Variants in CACNA1D observed in about 807,000 individuals in gnomAD.
CACNA1D encodes voltage-dependent L-type calcium channel subunit alpha-1D.
In CACNA1D, 55 loss-of-function variants were observed where a neutral mutation model predicts 257.1. The ratio of observed to expected loss-of-function variants is 0.21; its 90% CI spans 0.17 to 0.27. The LOEUF (loss-of-function observed/expected upper bound fraction) is 0.27, where lower values mean the gene tolerates loss of function less well. CACNA1D is among the 10% of genes least tolerant of loss of function. CACNA1D has a pLI of 1.00. For synonymous variants in CACNA1D, 980 were observed against 1,014.9 expected, an observed-to-expected ratio of 0.97 and a Z score of 0.65; for missense variants, 1,876 against 2,784.0, an observed-to-expected ratio of 0.67 and a Z score of 7.34.
chr3:53,719,270 C>T (rs1270814158), intron 10 of CACNA1D, among the ~76,000 whole-genome samples: 2 of 152,196 alleles, frequency 1.3e-5, no homozygotes, highest in Non-Finnish European at 2.9e-5. Flanking sequence ...CTTGCTCTGC[C>T]CTCTCTGAGA....
chr3:53,631,633 T>C (rs1212752783), intron 3 of CACNA1D, among the ~76,000 whole-genome samples: 1 of 152,252 alleles, frequency 6.6e-6, no homozygotes, highest in Non-Finnish European at 1.5e-5. Flanking sequence ...GGTTTTCAAT[T>C]TACTTTGCCC....
At chr3:53,784,269 T>G (rs538537609) in intron 39 of CACNA1D, among the ~76,000 whole-genome samples, 2 of 152,284 alleles carry the variant, frequency 1.3e-5, no homozygotes, top group Non-Finnish European at 2.9e-5. Context: ...AGAAGCTCTC[T>G]CTCCTCCCCA....
intron 3 of CACNA1D, among the ~76,000 whole-genome samples, chr3:53,563,626 G>A (rs947561089): frequency 1.3e-5 from 2 of 148,814 alleles, no homozygotes; most frequent in Non-Finnish European, 1.5e-5. Context: ...CTTTAATTTT[G>A]CATATTTTTG....
intron 1 of CACNA1D, among the ~76,000 whole-genome samples, chr3:53,496,247 G>A (rs1280271670): frequency 6.6e-5 from 10 of 152,248 alleles, no homozygotes; most frequent in Non-Finnish European, 1.0e-4. Flanking sequence ...ATCTGCCTGG[G>A]AGATGGCCTG....
In CACNA1D at chr3:53,523,663, T is replaced by C. The variant is rs549615213; in HGVS notation, c.483+21943T>C. Among the ~76,000 whole-genome samples, 158 of 152,376 alleles carry C rather than the reference T, an allele frequency of 1.0e-3. 2 individuals carry two copies. Among genetic ancestry groups the C allele is most frequent in the African/African-American group, 3.7e-3 (154 of 41,592 alleles). ...TGCCCAGGCTTAGATTTTAATTTAT[T>C]TAACCCACGTTAGGCACTCAGTCCT... On this transcript the variant is annotated intron_variant, in intron 3 of 47. Transcript: ENST00000350061.
In CACNA1D at chr3:53,495,302, C is replaced by G. The variant is rs559287004; in HGVS notation, c.67+69C>G. The G allele has an allele frequency of 3.1e-6, 5 of 1,593,678 alleles. No individual in the cohort carries two copies. The East Asian group carries it at 1.1e-4, about 36-fold the overall frequency. On this transcript the variant is annotated intron_variant, in intron 1 of 47. Transcript: ENST00000350061. This position sits in a 1 kb window ranked among gnomAD's most constrained non-coding sequence, Gnocchi z 5.1. ...GTCATGGTCCTCCAGCCCCCTCCCC[C>G]TTCCCCGCGGCGCTGGATGGGTTGA...
intron 8 of CACNA1D, among the ~76,000 whole-genome samples, chr3:53,675,788 C>G (rs1446556306): frequency 6.6e-6 from 1 of 152,164 alleles, no homozygotes; most frequent in Non-Finnish European, 1.5e-5. Context: ...CAAAACAAAA[C>G]TTAGATCCCT....
At chr3:53,555,471 T>G (rs974954903) in intron 3 of CACNA1D, among the ~76,000 whole-genome samples, 13 of 148,474 alleles carry the variant, frequency 8.8e-5, no homozygotes, top group African/African-American at 3.0e-4. Context: ...TTTTTTTTTT[T>G]TTTTTTTTTT....
At position 53,551,042 on chromosome 3, in the gene CACNA1D, T is replaced by C. The variant is rs553906024; in HGVS notation, c.483+49322T>C. Among the ~76,000 whole-genome samples the C allele has an allele frequency of 2.0e-4, 31 of 152,304 alleles. 1 individual carries two copies. Among genetic ancestry groups the C allele is most frequent in the African/African-American group, 6.5e-4 (27 of 41,560 alleles). On this transcript the variant is annotated intron_variant, in intron 3 of 47. Transcript: ENST00000350061. ...CTTTAAAGCTCCATTTTTGGGGTAT[T>C]TCTATGCCAAAAAACATCTTAAACT...
intron 11 of CACNA1D, among the ~76,000 whole-genome samples, chr3:53,720,278 A>T (rs1341132924): frequency 2.6e-5 from 4 of 152,262 alleles, no homozygotes; most frequent in Non-Finnish European, 4.4e-5. Context: ...AAATAGGCAA[A>T]GACCTAAATA....
intron 32 of CACNA1D, among the ~76,000 whole-genome samples, chr3:53,772,476 G>C (rs189510390): frequency 1.3e-5 from 2 of 152,226 alleles, no homozygotes; most frequent in East Asian, 3.9e-4. Context: ...CAGTGTTCTG[G>C]AATGGTTTGA....
chr3:53,756,033 C>G (rs2095262838), intron 29 of CACNA1D, among the ~76,000 whole-genome samples: 1 of 152,128 alleles, frequency 6.6e-6, no homozygotes, highest in Non-Finnish European at 1.5e-5. Flanking sequence ...GTAAAAGGGT[C>G]CCTCATGGCA....
At chr3:53,525,570 A>G (rs970632671) in intron 3 of CACNA1D, among the ~76,000 whole-genome samples, 2 of 152,172 alleles carry the variant, frequency 1.3e-5, no homozygotes, top group Non-Finnish European at 2.9e-5. Context: ...TTCAGTGATC[A>G]TATGGGGCCT....
intron 3 of CACNA1D, among the ~76,000 whole-genome samples, chr3:53,514,557 G>T (rs1441841485): frequency 2.6e-5 from 4 of 152,228 alleles, no homozygotes; most frequent in African/African-American, 9.6e-5. Flanking sequence ...CTCTTTCTCT[G>T]TGGAAGAGGA....
Position 53,779,595 on chromosome 3 carries a change from T to C in CACNA1D, c.4588-431T>C, listed in dbSNP as rs116229332. On this transcript the variant is annotated intron_variant, in intron 37 of 47. Transcript: ENST00000350061. Reference sequence around the variant, plus strand: ...AAGTCCTGAGAACCAGGGGAGCCCATGGTGTAAGCCTCAGTCAAAGGGCAG... The same window carrying C: ...AAGTCCTGAGAACCAGGGGAGCCCACGGTGTAAGCCTCAGTCAAAGGGCAG... Among the ~76,000 whole-genome samples the C allele has an allele frequency of 7.3e-3, 1,116 of 152,246 alleles. 13 individuals are homozygous for C. The highest frequency in any genetic ancestry group is 0.026 in the African/African-American group (1,070 of 41,538).
At chr3:53,781,739 C>A in intron 39 of CACNA1D, 72 bp downstream of exon 39, 1 of 1,040,830 alleles carries the variant, frequency 9.6e-7, no homozygotes, top group South Asian at 1.3e-5. Flanking sequence ...TCCAGAAAGT[C>A]CAGAGAGTGT....
intron 32 of CACNA1D, among the ~76,000 whole-genome samples, chr3:53,770,828 G>A (rs527251689): frequency 6.6e-6 from 1 of 152,338 alleles, no homozygotes; most frequent in East Asian, 1.9e-4. Flanking sequence ...GGGGCCTGCA[G>A]CCCTGCAGTG....
intron 3 of CACNA1D, among the ~76,000 whole-genome samples, chr3:53,565,125 A>G (rs2092811495): frequency 6.6e-6 from 1 of 152,012 alleles, no homozygotes; most frequent in Admixed American, 6.6e-5. Flanking sequence ...AAATTTCCTT[A>G]TATGCTCATA....
intron 3 of CACNA1D, among the ~76,000 whole-genome samples, chr3:53,537,505 T>C (rs2092148713): frequency 6.6e-6 from 1 of 152,128 alleles, no homozygotes; most frequent in Non-Finnish European, 1.5e-5. Flanking sequence ...ATCTCTAAAA[T>C]ATAATAACTT....
Sources: allele counts gnomAD v4.1 joint callset (sites outside exome capture counted in the v4.1 genomes callset), GRCh38; gene constraint gnomAD v4.1.1; non-coding constraint Gnocchi (gnomAD v3.1); transcripts MANE v1.5; gene names NCBI Gene and HGNC (gene_info 2026-07-23, HGNC 2026-07-21).